Variants in TJP2 observed in about 807,000 individuals in gnomAD.
The protein encoded by TJP2 is Friedreich ataxia region gene X104 (tight junction protein ZO-2).
Under a neutral mutation model 133.1 loss-of-function variants are expected in TJP2, and 91 were observed. The ratio of observed to expected loss-of-function variants is 0.68; its 90% CI spans 0.58 to 0.81. The LOEUF (loss-of-function observed/expected upper bound fraction) is 0.81, where lower values mean the gene tolerates loss of function less well. TJP2 is among the 40% of genes least tolerant of loss of function. The pLI, the probability that TJP2 is intolerant of heterozygous loss-of-function variation, is 0.00. For missense variants in TJP2, 1,541 were observed against 1,565.6 expected (o/e 0.98, Z 0.26); for synonymous variants, 592 against 583.4 (o/e 1.01, Z -0.21).
rs201502981 is a variant in TJP2 at position 69,163,020 on chromosome 9, A to ATTTTTTT, written c.-10+11253_-10+11254insTTTTTTT. ...TAATTATTTTTTAAAAAGTATCTTT[A>ATTTTTTT]TTTTATTTTATTTTTTTTTTTTTGA... is the stretch of plus-strand genomic sequence containing the variant. On this transcript the variant is annotated intron_variant, in intron 2 of 5. Coordinates refer to the TJP2 transcript ENST00000423935. 8.1e-5 allele frequency among the ~76,000 whole-genome samples: 7 copies of ATTTTTTT among 86,012 alleles called. 1 individual carries two copies. Among genetic ancestry groups the ATTTTTTT allele is most frequent in the African/African-American group, 8.6e-5 (2 of 23,386 alleles). The allele number at this position is 86,012 out of a possible 152,430, so 56.4% of individuals were successfully genotyped here. A position where few individuals can be genotyped will look rare whatever the true frequency, so the allele number is the denominator to read the frequency against.
chr9:69,228,782 T>C (rs1829541335), intron 9 of TJP2, among the ~76,000 whole-genome samples: 2 of 152,210 alleles, frequency 1.3e-5, no homozygotes, highest in African/African-American at 4.8e-5. Flanking sequence ...TTGTCATATT[T>C]GATGAGTTGA....
intron 1 of TJP2, among the ~76,000 whole-genome samples, chr9:69,194,837 G>A (rs1483068502): frequency 6.6e-6 from 1 of 152,178 alleles, no homozygotes; most frequent in Non-Finnish European, 1.5e-5. Flanking sequence ...AGGCTCCCAG[G>A]GGTTGGCTAC....
intron 1 of TJP2, among the ~76,000 whole-genome samples, chr9:69,131,182 T>C (rs1564367663): frequency 6.6e-6 from 1 of 152,340 alleles, no homozygotes. Context: ...GATTTCTTTG[T>C]GCGAGGAGTG....
intron 22 of TJP2, 133 bp downstream of exon 22, chr9:69,253,033 AC>A: frequency 1.3e-6 from 1 of 763,316 alleles, no homozygotes. Context: ...TGTTTGCCTT[AC>A]TCATTCCATC....
chr9:69,164,738 C>T (rs1824259113), intron 2 of TJP2, among the ~76,000 whole-genome samples: 2 of 152,214 alleles, frequency 1.3e-5, no homozygotes, highest in African/African-American at 4.8e-5. Context: ...CCTCCCACCC[C>T]ATGCAATTGT....
rs1373363383 is a variant in TJP2, at chr9:69,238,728, C to G, written c.2294C>G (p.Ala765Gly). ...FQTAKTEPKD[A>G]GSEKSTGVVR... The stretch of plus-strand genomic sequence containing the variant: ...TTTGCAGAAACGGAACCAAAAGATG[C>G]AGGATCTGAGAAATCCACTGGAGTG... The change falls in exon 16 of 23, where the codon GCA becomes GGA. Residue 765 changes from alanine (A) to glycine (G), a missense_variant. By Grantham distance (60) the Ala-to-Gly change is moderately conservative. Transcript: ENST00000377245. 3.7e-6 allele frequency: 6 copies of G among 1,613,840 alleles called. No homozygotes were observed. The Admixed American group carries it at 1.0e-4, about 27-fold the overall frequency.
At chr9:69,212,266 T>C (rs1271053453) in intron 1 of TJP2, among the ~76,000 whole-genome samples, 2 of 152,236 alleles carry the variant, frequency 1.3e-5, no homozygotes, top group African/African-American at 4.8e-5. Flanking sequence ...GATAATGTTT[T>C]GGAATAGTGA....
intron 2 of TJP2, among the ~76,000 whole-genome samples, chr9:69,166,549 C>G (rs1432267766): frequency 6.6e-6 from 1 of 151,998 alleles, no homozygotes; most frequent in African/African-American, 2.4e-5. Flanking sequence ...TTGAGGCCAG[C>G]CTGTGCAACA....
chr9:69,197,814 C>A (rs1034967122), intron 1 of TJP2, among the ~76,000 whole-genome samples: 4 of 152,090 alleles, frequency 2.6e-5, no homozygotes, highest in Non-Finnish European at 5.9e-5. Flanking sequence ...GAGCTTAGAC[C>A]CAGGTGTGTG....
chr9:69,250,948 C>A, intron 20 of TJP2, 87 bp from the exon 21 acceptor site: 1 of 1,321,442 alleles, frequency 7.6e-7, no homozygotes, highest in South Asian at 1.2e-5. Flanking sequence ...GGAAACTGAT[C>A]AGGAAATGGA....
At chr9:69,171,438 T>C (rs1467635994), upstream of TJP2, among the ~76,000 whole-genome samples, 1 of 152,164 alleles carries the variant, frequency 6.6e-6, no homozygotes. Flanking sequence ...TATACTTGCC[T>C]GGGCAACTTC....
rs201206163 is a variant in TJP2, at chr9:69,218,273, G to A, written c.256G>A (p.Val86Ile). Residue 86 changes from valine (V) to isoleucine (I), a missense_variant, in exon 4 of 23, where the codon GTC becomes ATC. Transcript: ENST00000377245. ...DGLLQENDRV[V>I]MVNGTPMEDV... ...TGTTTACAGAGAAAATGACAGAGTG[G>A]TCATGGTCAATGGCACCCCCATGGA... 9 of 1,614,026 alleles carry A rather than the reference G, an allele frequency of 5.6e-6. No homozygotes were observed. The highest frequency in any genetic ancestry group is 1.7e-4 in the Middle Eastern group (1 of 6,058).
chr9:69,161,447 T>G (rs1318200821), intron 2 of TJP2, among the ~76,000 whole-genome samples: 5 of 152,122 alleles, frequency 3.3e-5, no homozygotes, highest in Non-Finnish European at 5.9e-5. Flanking sequence ...TAGGCAGGTC[T>G]CGAACTCCTG....
At chr9:69,179,649 G>A (rs934521511) in intron 1 of TJP2, among the ~76,000 whole-genome samples, 4 of 151,620 alleles carry the variant, frequency 2.6e-5, no homozygotes, top group Non-Finnish European at 4.4e-5. Context: ...ACAGGCGCCC[G>A]CCACCACGCC....
At chr9:69,229,390 G>A in intron 10 of TJP2, 140 bp downstream of exon 10, 1 of 812,506 alleles carries the variant, frequency 1.2e-6, no homozygotes, top group Non-Finnish European at 2.2e-6. Flanking sequence ...CCCATTGGTA[G>A]TGCTTATGAG....
At chr9:69,249,157 G>A (rs1386269823) in intron 19 of TJP2, 1 of 985,354 alleles carries the variant, frequency 1.0e-6, no homozygotes, top group African/African-American at 1.7e-5. Context: ...TTAAAAAATT[G>A]TGCTTTAAAG....
intron 1 of TJP2, chr9:69,145,816 C>G (rs1409344689): frequency 8.1e-7 from 1 of 1,231,728 alleles, no homozygotes; most frequent in African/African-American, 1.6e-5. Context: ...TGGCAACAAC[C>G]TGGGTAAGCA....
chr9:69,186,178 A>G (rs965697094), intron 1 of TJP2, among the ~76,000 whole-genome samples: 2 of 152,144 alleles, frequency 1.3e-5, no homozygotes, highest in Non-Finnish European at 2.9e-5. Context: ...TTAGAATGTG[A>G]ATTTTTTCCT....
At chr9:69,196,649 TA>T (rs1826581019) in intron 1 of TJP2, among the ~76,000 whole-genome samples, 1 of 152,208 alleles carries the variant, frequency 6.6e-6, no homozygotes, top group Non-Finnish European at 1.5e-5. Flanking sequence ...TACCATACAA[TA>T]AAAGTGTGCA....
Sources: allele counts gnomAD v4.1 joint callset (sites outside exome capture counted in the v4.1 genomes callset), GRCh38; gene constraint gnomAD v4.1.1; transcripts MANE v1.5; gene names NCBI Gene and HGNC (gene_info 2026-07-23, HGNC 2026-07-21).